The following TSHZ2 variants were observed in gnomAD, a reference collection of about 807,000 sequenced individuals.
The protein encoded by TSHZ2 is teashirt zinc finger homeobox 2.
A neutral mutation model predicts 74.4 loss-of-function variants in TSHZ2; 21 were observed. The ratio of observed to expected loss-of-function variants is 0.28; its 90% CI spans 0.20 to 0.41. The LOEUF is 0.41. Ranked by LOEUF, TSHZ2 falls within the 10% of genes least tolerant of loss-of-function variation. The probability of loss-of-function intolerance (pLI) is 1.00; values close to 1 mark genes in which losing one functional copy is unlikely to be tolerated. For missense variants in TSHZ2, 1,244 were observed against 1,293.5 expected, an observed-to-expected ratio of 0.96 and a Z score of 0.59; for synonymous variants, 540 against 515.3, an observed-to-expected ratio of 1.05 and a Z score of -0.65.
rs56672853 is a variant in TSHZ2, at chr20:53,323,410, GATGA to G, written c.*8+66856_*8+66859del. On this transcript the variant is annotated intron_variant, in intron 2 of 2. Coordinates refer to ENST00000371497, the MANE Select transcript of TSHZ2 (RefSeq NM_173485.6). ...GAAAGTGCCCTGGAAATACTTGTTT[GATGA>G]ATGAATGAATGAATGATGTAGTTAA... is the stretch of plus-strand genomic sequence containing the variant. 6.0e-5 allele frequency among the ~76,000 whole-genome samples: 9 copies of G among 150,646 alleles called. No homozygotes were observed. The East Asian group carries it at 9.8e-4, about 16-fold the overall frequency.
At chr20:53,057,742 C>T (rs1194637376) in intron 1 of TSHZ2, among the ~76,000 whole-genome samples, 7 of 152,294 alleles carry the variant, frequency 4.6e-5, no homozygotes, top group African/African-American at 1.7e-4. Flanking sequence ...CAGTGATGAA[C>T]ACGCATGGTT....
chr20:53,218,550 G>C (rs180851016), intron 1 of TSHZ2, among the ~76,000 whole-genome samples: 78 of 152,092 alleles, frequency 5.1e-4, no homozygotes, highest in Middle Eastern at 3.4e-3. Flanking sequence ...TTCTATATTC[G>C]CAGATGACGA....
chr20:53,444,939 G>T (rs1984494039), intron 2 of TSHZ2, among the ~76,000 whole-genome samples: 1 of 152,168 alleles, frequency 6.6e-6, no homozygotes, highest in South Asian at 2.1e-4. Context: ...TGAATGAATT[G>T]CATGTAACGA....
chr20:53,351,054 A>G (rs1027064898), intron 2 of TSHZ2, among the ~76,000 whole-genome samples: 2 of 152,250 alleles, frequency 1.3e-5, no homozygotes, highest in Non-Finnish European at 2.9e-5. Flanking sequence ...CTGTCAATCT[A>G]AAATGAAAAT....
At chr20:53,039,775 A>T (rs925926976) in intron 1 of TSHZ2, among the ~76,000 whole-genome samples, 6 of 70,762 alleles carry the variant, frequency 8.5e-5, no homozygotes, top group Non-Finnish European at 1.5e-4. Flanking sequence ...GCTAGACTCC[A>T]TCTCAAACAC....
intron 2 of TSHZ2, among the ~76,000 whole-genome samples, chr20:53,353,009 T>C (rs1465355615): frequency 6.6e-6 from 1 of 152,186 alleles, no homozygotes; most frequent in African/African-American, 2.4e-5. Context: ...ATTTCCCAAG[T>C]TCCTTTTTTC....
intron 2 of TSHZ2, among the ~76,000 whole-genome samples, chr20:53,309,442 G>C (rs994838290): frequency 1.8e-4 from 27 of 152,078 alleles, no homozygotes; most frequent in Non-Finnish European, 3.2e-4. Flanking sequence ...AGAAAGAAAA[G>C]AAAGAGAAGA....
chr20:53,426,876 A>G (rs1327135439), intron 2 of TSHZ2, among the ~76,000 whole-genome samples: 1 of 152,190 alleles, frequency 6.6e-6, no homozygotes, highest in Non-Finnish European at 1.5e-5. Context: ...AGATCAGTGA[A>G]ATTGTCAGTT....
At chr20:53,127,745 A>G (rs977994891) in intron 1 of TSHZ2, among the ~76,000 whole-genome samples, 2 of 152,176 alleles carry the variant, frequency 1.3e-5, no homozygotes, top group Non-Finnish European at 2.9e-5. Context: ...GAGGCAGAGT[A>G]TTTATAACAA....
At chr20:53,483,105 TAA>T (rs1198424978) in intron 2 of TSHZ2, among the ~76,000 whole-genome samples, 1 of 152,060 alleles carries the variant, frequency 6.6e-6, no homozygotes, top group East Asian at 1.9e-4. Context: ...CTAAGTTTTA[TAA>T]AAGACATAGT....
At chr20:53,332,617 A>G (rs749379200) in intron 2 of TSHZ2, among the ~76,000 whole-genome samples, 1 of 152,132 alleles carries the variant, frequency 6.6e-6, no homozygotes, top group Non-Finnish European at 1.5e-5. Flanking sequence ...GTGAAGCTGA[A>G]AGCCAAATGG....
chr20:53,378,820 C>T (rs1234820490), intron 2 of TSHZ2, among the ~76,000 whole-genome samples: 1 of 152,042 alleles, frequency 6.6e-6, no homozygotes, highest in African/African-American at 2.4e-5. Context: ...AAGATATTTA[C>T]ATTTTTTAAA....
chr20:52,983,805 G>A (rs1431380277), intron 1 of TSHZ2, among the ~76,000 whole-genome samples: 1 of 152,194 alleles, frequency 6.6e-6, no homozygotes, highest in South Asian at 2.1e-4. Context: ...TGGAGGGGAA[G>A]GAGTGGAGGG....
intron 1 of TSHZ2, among the ~76,000 whole-genome samples, chr20:53,231,081 A>G (rs1037470197): frequency 1.3e-5 from 2 of 152,208 alleles, no homozygotes; most frequent in African/African-American, 4.8e-5. Flanking sequence ...TCAAAGCAGC[A>G]GCAACTTCAC....
At chr20:52,987,453 C>T (rs989213738) in intron 1 of TSHZ2, among the ~76,000 whole-genome samples, 3 of 150,276 alleles carry the variant, frequency 2.0e-5, no homozygotes, top group African/African-American at 7.3e-5. Flanking sequence ...TACTCTTTCT[C>T]TCTCCTCTCT....
chr20:53,046,843 G>A (rs1682243885), intron 1 of TSHZ2, among the ~76,000 whole-genome samples: 1 of 152,152 alleles, frequency 6.6e-6, no homozygotes, highest in African/African-American at 2.4e-5. Context: ...GGAACTAACA[G>A]GATGCATTCT....
chr20:53,272,902 G>A (rs1452668276), intron 2 of TSHZ2, among the ~76,000 whole-genome samples: 1 of 152,190 alleles, frequency 6.6e-6, no homozygotes, highest in East Asian at 1.9e-4. Context: ...ATAAATACAA[G>A]TAACAATTTC....
chr20:53,208,265 C>T (rs1989220285), intron 1 of TSHZ2, among the ~76,000 whole-genome samples: 1 of 152,188 alleles, frequency 6.6e-6, no homozygotes, highest in Non-Finnish European at 1.5e-5. Flanking sequence ...CACAAACCCA[C>T]TGGTGGCGCT....
chr20:53,434,226 G>A (rs6022462), intron 2 of TSHZ2, among the ~76,000 whole-genome samples: 57,091 of 151,990 alleles, frequency 0.38, 11,659 homozygotes, highest in East Asian at 0.58. Flanking sequence ...ACCACCACAA[G>A]AATAACCTGT....
Sources: gnomAD v4.1 joint callset for allele counts (sites outside exome capture counted in the v4.1 genomes callset) on GRCh38, gnomAD v4.1.1 for gene constraint, MANE v1.5 for transcripts, NCBI Gene and HGNC (gene_info 2026-07-23, HGNC 2026-07-21) for gene names.